The following SDHC variants were observed in gnomAD, a reference collection of about 807,000 sequenced individuals.
SDHC encodes the protein succinate dehydrogenase cytochrome b560 subunit, mitochondrial.
A neutral mutation model predicts 22.6 loss-of-function variants in SDHC; 11 were observed. The observed-to-expected ratio is 0.49, with a 90% CI of 0.31 to 0.81. The LOEUF (loss-of-function observed/expected upper bound fraction) is 0.81, where lower values mean the gene tolerates loss of function less well. Ranked by LOEUF, SDHC falls within the 30% of genes least tolerant of loss-of-function variation. The probability of loss-of-function intolerance (pLI) is 0.05; values close to 1 mark genes in which losing one functional copy is unlikely to be tolerated. For missense variants in SDHC, 160 were observed against 212.0 expected (o/e 0.75, Z 1.52); for synonymous variants, 80 against 77.8 (o/e 1.03, Z -0.15).
intron 1 of SDHC, among the ~76,000 whole-genome samples, chr1:161,317,212 T>A (rs1670649314): frequency 6.6e-6 from 1 of 152,024 alleles, no homozygotes; most frequent in Non-Finnish European, 1.5e-5. Context: ...GTATTTTTAG[T>A]AGAGACGGGG....
chr1:161,321,846 A>G (rs1269335674), intron 1 of SDHC, among the ~76,000 whole-genome samples: 1 of 152,212 alleles, frequency 6.6e-6, no homozygotes, highest in East Asian at 1.9e-4. Context: ...AGTAGTGGAT[A>G]TGCAATAAAC....
In SDHC at chr1:161,356,731, A is replaced by G. The variant is rs1060501390; in HGVS notation, c.296A>G (p.Tyr99Cys). The G allele has an allele frequency of 1.2e-6, 2 of 1,613,930 alleles. No individual in the cohort carries two copies. Among genetic ancestry groups the G allele is most frequent in the African/African-American group, 1.3e-5 (1 of 74,966 alleles). Residue 99 changes from tyrosine (Y) to cysteine (C), a missense_variant, in exon 5 of 6, where the codon TAT becomes TGT. Tyr to Cys is a radical substitution (Grantham distance 194). Around this residue, in one of 2 missense-constraint regions of SDHC, gnomAD observed 74 missense variants for 128.6 expected, o/e 0.58. Coordinates refer to ENST00000367975, the MANE Select transcript of SDHC (RefSeq NM_003001.5). ...ALLLPGNFES[Y>C]LELVKSLCLG... ...TTACTCCCTGGGAACTTTGAGTCTT[A>G]TTTGGAACTTGTGAAGTCCCTGTGT...
At chr1:161,352,432 T>G (rs981177644) in intron 4 of SDHC, among the ~76,000 whole-genome samples, 3 of 152,178 alleles carry the variant, frequency 2.0e-5, no homozygotes, top group African/African-American at 7.2e-5. Context: ...AAAAAAATTT[T>G]TCCTGATTAC....
chr1:161,359,428 G>T (rs185732891), intron 5 of SDHC, among the ~76,000 whole-genome samples: 3 of 152,190 alleles, frequency 2.0e-5, no homozygotes, highest in Admixed American at 6.5e-5. Flanking sequence ...CTTCCCTGAG[G>T]GGGAGGCAGT....
intron 5 of SDHC, among the ~76,000 whole-genome samples, chr1:161,362,058 C>T (rs1013423096): frequency 3.3e-5 from 5 of 151,790 alleles, no homozygotes; most frequent in African/African-American, 1.2e-4. Flanking sequence ...TTTTGTATAC[C>T]GTATGGGGCC....
At chr1:161,358,032 CTTTT>C (rs34253350) in intron 5 of SDHC, among the ~76,000 whole-genome samples, 1 of 104,824 alleles carries the variant, frequency 9.5e-6, no homozygotes, top group South Asian at 3.5e-4. Context: ...GGTTAGGAAT[CTTTT>C]TTTTTTTTTT....
At chr1:161,327,173 C>T (rs1156446823) in intron 2 of SDHC, among the ~76,000 whole-genome samples, 1 of 152,202 alleles carries the variant, frequency 6.6e-6, no homozygotes, top group Non-Finnish European at 1.5e-5. Flanking sequence ...AAGCCGTCTG[C>T]CCACCTTAGC....
intron 1 of SDHC, among the ~76,000 whole-genome samples, chr1:161,315,456 G>C (rs1670573373): frequency 6.6e-6 from 1 of 152,152 alleles, no homozygotes; most frequent in African/African-American, 2.4e-5. Context: ...GGTATGCCAA[G>C]GCTTGTCTTG....
chr1:161,362,995 T>TA lies in SDHC; in HGVS notation c.*562_*563insA, dbSNP rs1350545506. Reference sequence around the variant, plus strand: ...GCTAGAGGGAGATAAAGAGGGCTAGTTAGTTCTTGGAGCAGCTGCTTTTGA... The same window carrying TA: ...GCTAGAGGGAGATAAAGAGGGCTAGTATAGTTCTTGGAGCAGCTGCTTTTGA... On this transcript the variant is annotated 3_prime_UTR_variant, in exon 6 of 6. Transcript: ENST00000367975. 2 of 254,490 alleles carry TA rather than the reference T, an allele frequency of 7.9e-6. No individual in the cohort carries two copies. The highest frequency in any genetic ancestry group is 1.2e-3 in the Middle Eastern group (1 of 832). The allele number at this position is 254,490 out of a possible 1,614,324, so 15.8% of individuals were successfully genotyped here.
chr1:161,317,974 C>A (rs1039552351), intron 1 of SDHC, among the ~76,000 whole-genome samples: 5 of 151,976 alleles, frequency 3.3e-5, no homozygotes, highest in African/African-American at 1.2e-4. Flanking sequence ...GAGATCAAGA[C>A]CATCCTGGCC....
rs749064859 is a variant in SDHC, at chr1:161,362,475, A to T, written c.*42A>T. The T allele has an allele frequency of 1.9e-6, 3 of 1,611,990 alleles. No individual in the cohort carries two copies. In the African/African-American group the frequency reaches 4.0e-5, roughly 22 times the overall value. ...GCATCATCTTCCTACACATTATTAC[A>T]TTCACCCATCTTTCTGTTTGTCATT... On this transcript the variant is annotated 3_prime_UTR_variant, in exon 6 of 6. Transcript: ENST00000367975.
chr1:161,339,402 C>T (rs59774375), intron 3 of SDHC, among the ~76,000 whole-genome samples: 17,447 of 149,686 alleles, frequency 0.12, 1,386 homozygotes, highest in African/African-American at 0.22. Context: ...CCTAGGTTGA[C>T]CTTGAACTCC....
chr1:161,332,084 C>G (rs1477533630), intron 3 of SDHC, among the ~76,000 whole-genome samples: 3 of 151,938 alleles, frequency 2.0e-5, no homozygotes, highest in Non-Finnish European at 4.4e-5. Flanking sequence ...CTCAAGTGAT[C>G]TTCCTGACTC....
chr1:161,334,716 G>GGTGTGAGCCGTAAT (rs370801116), intron 3 of SDHC, among the ~76,000 whole-genome samples: 1 of 124,926 alleles, frequency 8.0e-6, no homozygotes, highest in South Asian at 2.9e-4. Context: ...TGGGATTACG[G>GGTGTGAGCCGTAAT]CTCACTCCCT....
intron 2 of SDHC, among the ~76,000 whole-genome samples, chr1:161,325,067 G>A (rs1005593748): frequency 6.6e-6 from 1 of 151,412 alleles, no homozygotes; most frequent in Non-Finnish European, 1.5e-5. Context: ...AATTAGCTGA[G>A]TGTGGTGGTG....
chr1:161,352,669 A>T (rs1390385227), intron 4 of SDHC, among the ~76,000 whole-genome samples: 3 of 152,206 alleles, frequency 2.0e-5, no homozygotes, highest in Non-Finnish European at 4.4e-5. Flanking sequence ...AACCCTCATA[A>T]TAATCTGAGA....
At chr1:161,349,854 A>G (rs1672042509) in intron 4 of SDHC, among the ~76,000 whole-genome samples, 1 of 152,162 alleles carries the variant, frequency 6.6e-6, no homozygotes, top group Non-Finnish European at 1.5e-5. Flanking sequence ...CACACCTGCC[A>G]CCAAGCCTCA....
chr1:161,356,345 C>T (rs1476260652), intron 4 of SDHC, among the ~76,000 whole-genome samples: 3 of 152,074 alleles, frequency 2.0e-5, no homozygotes, highest in Admixed American at 2.0e-4. Context: ...TCGAGACCAG[C>T]CTGGCCAACT....
At chr1:161,319,340 A>C in intron 1 of SDHC, among the ~76,000 whole-genome samples, 1 of 152,322 alleles carries the variant, frequency 6.6e-6, no homozygotes, top group East Asian at 1.9e-4. Flanking sequence ...ATTAAACCAC[A>C]TAAGAAATAT....
Sources: gnomAD v4.1 joint callset for allele counts (sites outside exome capture counted in the v4.1 genomes callset) on GRCh38, gnomAD v4.1.1 for gene constraint, gnomAD v4.1.1 regional missense constraint, MANE v1.5 for transcripts, NCBI Gene and HGNC (gene_info 2026-07-23, HGNC 2026-07-21) for gene names.